Variants in PVT1 observed in about 807,000 individuals in gnomAD.
PVT1 encodes the protein CXCR4/PVT1 fusion.
intron 2 of PVT1, among the ~76,000 whole-genome samples, chr8:127,812,017 G>A (rs936086370): frequency 6.6e-6 from 1 of 152,016 alleles, no homozygotes; most frequent in African/African-American, 2.4e-5. Context: ...CGAGGCGGGA[G>A]GATCACTTGA....
chr8:128,048,802 C>A (rs531071412), intron 4 of PVT1, among the ~76,000 whole-genome samples: 1 of 152,190 alleles, frequency 6.6e-6, no homozygotes, highest in Non-Finnish European at 1.5e-5. Flanking sequence ...AAGAGGAAGG[C>A]GAAAGCGCTT....
intron 3 of PVT1, among the ~76,000 whole-genome samples, chr8:127,960,335 C>A (rs1245757464): frequency 6.6e-6 from 1 of 152,118 alleles, no homozygotes; most frequent in Non-Finnish European, 1.5e-5. Context: ...GAGTGGCTCT[C>A]CTCCATTTGC....
intron 3 of PVT1, among the ~76,000 whole-genome samples, chr8:127,934,828 A>G (rs915347723): frequency 2.5e-4 from 38 of 152,256 alleles, no homozygotes; most frequent in Admixed American, 2.4e-3. Context: ...GGGACTGATC[A>G]AATTTGGTAA....
intron 2 of PVT1, among the ~76,000 whole-genome samples, chr8:127,839,830 G>A (rs965201418): frequency 3.9e-5 from 6 of 152,304 alleles, no homozygotes; most frequent in Non-Finnish European, 8.8e-5. Context: ...CAGGGCTGGG[G>A]AGGATTGGCT....
At chr8:127,974,869 T>C (rs1033506669) in intron 3 of PVT1, among the ~76,000 whole-genome samples, 3 of 152,244 alleles carry the variant, frequency 2.0e-5, no homozygotes, top group Non-Finnish European at 4.4e-5. Flanking sequence ...TGATTTTATA[T>C]AGTCATAGGT....
At chr8:128,059,016 T>C (rs187639455) in intron 4 of PVT1, among the ~76,000 whole-genome samples, 4 of 152,254 alleles carry the variant, frequency 2.6e-5, no homozygotes, top group Admixed American at 2.6e-4. Flanking sequence ...GCAACACACA[T>C]CTCAGATGAA....
At chr8:128,015,132 C>A (rs1586482056) in intron 4 of PVT1, among the ~76,000 whole-genome samples, 1 of 151,526 alleles carries the variant, frequency 6.6e-6, no homozygotes, top group African/African-American at 2.4e-5. Context: ...CTCTGTTGCC[C>A]AGGCTGGAGT....
chr8:127,945,723 G>T (rs1816412186), intron 3 of PVT1, among the ~76,000 whole-genome samples: 2 of 152,142 alleles, frequency 1.3e-5, no homozygotes, highest in South Asian at 4.1e-4. Context: ...AGTTTTTTCT[G>T]TCACGTAGCC....
chr8:127,887,682 C>T (rs560504483), intron 2 of PVT1, among the ~76,000 whole-genome samples: 1 of 152,096 alleles, frequency 6.6e-6, no homozygotes, highest in South Asian at 2.1e-4. Flanking sequence ...CCTGCCACCA[C>T]ACCTGGCTAA....
chr8:128,065,186 CTTTTTTA>C (rs1282551538), intron 4 of PVT1, among the ~76,000 whole-genome samples: 1 of 101,084 alleles, frequency 9.9e-6, no homozygotes, highest in African/African-American at 3.0e-5. Flanking sequence ...GAAGTCTCTT[CTTTTTTA>C]TTTTTTATTT....
chr8:127,900,292 C>T (rs1011261588), intron 3 of PVT1, among the ~76,000 whole-genome samples: 4 of 152,026 alleles, frequency 2.6e-5, no homozygotes, highest in East Asian at 1.9e-4. Flanking sequence ...CCCCCCACCT[C>T]GGCCTCCCAA....
intron 3 of PVT1, among the ~76,000 whole-genome samples, chr8:127,899,663 G>A (rs2129821994): frequency 6.6e-6 from 1 of 152,258 alleles, no homozygotes; most frequent in East Asian, 1.9e-4. Flanking sequence ...ATTTGGGGAG[G>A]GAGCCTGGAG....
At chr8:128,027,624 C>A (rs904410814) in intron 4 of PVT1, among the ~76,000 whole-genome samples, 8 of 152,230 alleles carry the variant, frequency 5.3e-5, no homozygotes, top group Non-Finnish European at 1.0e-4. Context: ...AAGTCTCTGC[C>A]TTCTCTTCAT....
rs114283223 is a variant in PVT1 at position 128,088,545 on chromosome 8, C to G, written n.1115-7973C>G. ...CAGGTATTCGGGGATTGTCTACCTACTTACTATTGTTAACTTCTAGTTTCT... is the reference window on the plus strand; with the variant it reads ...CAGGTATTCGGGGATTGTCTACCTAGTTACTATTGTTAACTTCTAGTTTCT... On this transcript the variant is annotated intron_variant and non_coding_transcript_variant, in intron 5 of 10. Transcript: ENST00000651587. Among the ~76,000 whole-genome samples, 1,105 of 152,342 alleles carry G rather than the reference C, an allele frequency of 7.3e-3. 19 individuals carry two copies. The highest frequency in any genetic ancestry group is 0.026 in the African/African-American group (1,075 of 41,588).
intron 4 of PVT1, among the ~76,000 whole-genome samples, chr8:127,998,835 C>T (rs1196190165): frequency 1.4e-5 from 2 of 141,084 alleles, no homozygotes; most frequent in African/African-American, 2.8e-5. Context: ...TTCCTTCCTT[C>T]CTTCCTTCCT....
intron 2 of PVT1, chr8:127,855,355 C>T (rs1815149790): frequency 2.5e-6 from 1 of 396,354 alleles, no homozygotes; most frequent in Non-Finnish European, 4.4e-6. Flanking sequence ...GGAATGGGTC[C>T]CGGTGTGCGG....
intron 3 of PVT1, among the ~76,000 whole-genome samples, chr8:127,953,508 T>A (rs1166235842): frequency 6.6e-6 from 1 of 152,216 alleles, no homozygotes; most frequent in Non-Finnish European, 1.5e-5. Context: ...GTATTTAGTA[T>A]TATAGTAACG....
intron 3 of PVT1, among the ~76,000 whole-genome samples, chr8:127,966,768 G>T (rs1816707169): frequency 6.6e-6 from 1 of 152,246 alleles, no homozygotes; most frequent in African/African-American, 2.4e-5. Flanking sequence ...AAAGTCAAGT[G>T]TGAGCCACAA....
At chr8:127,956,029 A>G (rs975535342) in intron 3 of PVT1, among the ~76,000 whole-genome samples, 2 of 152,272 alleles carry the variant, frequency 1.3e-5, no homozygotes, top group African/African-American at 2.4e-5. Context: ...GTCATACTGT[A>G]CCACCTCTTT....
Sources: gnomAD v4.1 joint callset for allele counts (sites outside exome capture counted in the v4.1 genomes callset) on GRCh38, gnomAD v4.1.1 for gene constraint, MANE v1.5 for transcripts, NCBI Gene and HGNC (gene_info 2026-07-23, HGNC 2026-07-21) for gene names.